The following SLC2A8 variants were observed in gnomAD, a reference collection of about 807,000 sequenced individuals.
The protein encoded by SLC2A8 is solute carrier family 2 member 8, also known as solute carrier family 2, facilitated glucose transporter member 8.
A neutral mutation model predicts 49.2 loss-of-function variants in SLC2A8; 53 were observed. The ratio of observed to expected loss-of-function variants is 1.08; its 90% CI spans 0.86 to 1.35. The LOEUF (loss-of-function observed/expected upper bound fraction) is 1.35, where lower values mean the gene tolerates loss of function less well. SLC2A8 is among the 40% of genes most tolerant of loss of function. The pLI is 0.00. For synonymous variants in SLC2A8, 299 were observed against 297.0 expected (o/e 1.01, Z -0.07); for missense variants, 688 against 671.7 (o/e 1.02, Z -0.27).
At chr9:127,405,298 C>T in intron 8 of SLC2A8, 122 bp from the exon 9 acceptor site, 1 of 1,173,374 alleles carries the variant, frequency 8.5e-7, no homozygotes, top group South Asian at 1.5e-5. Flanking sequence ...GGTGGGACCA[C>T]ACTGGGATCC....
intron 9 of SLC2A8, chr9:127,405,971 T>G: frequency 1.9e-6 from 1 of 527,652 alleles, no homozygotes; most frequent in South Asian, 1.4e-5. Flanking sequence ...TGGCTGAAAC[T>G]GGAGGAGAGT....
chr9:127,397,988 G>C lies in SLC2A8; in HGVS notation c.303G>C (p.Leu101Phe). The C allele has an allele frequency of 1.9e-6, 3 of 1,548,392 alleles. No homozygotes were observed. Among genetic ancestry groups the C allele is most frequent in the South Asian group, 1.2e-5 (1 of 85,044 alleles). Residue 101 changes from leucine to phenylalanine, a missense_variant, in exon 3 of 10, where the codon TTG becomes TTC. Coordinates refer to ENST00000373371, the MANE Select transcript of SLC2A8 (RefSeq NM_014580.5). ...GCGCCGGGCGCAAGCTGAGCCTCTT[G>C]CTGTGCTCCGTGCCCTTCGTGGCCG... Reference protein sequence around the residue: ...VDRAGRKLSLLLCSVPFVAGF... With the variant: ...VDRAGRKLSLFLCSVPFVAGF...
At chr9:127,398,184 A>AGGCCTGGGGGCGCGGCTCCCCC in intron 3 of SLC2A8, 73 bp downstream of exon 3, 1 of 1,476,278 alleles carries the variant, frequency 6.8e-7, no homozygotes, top group Non-Finnish European at 9.3e-7. Context: ...ACCGCTCCCC[A>AGGCCTGGGGGCGCGGCTCCCCC]GGCCTGGGGG....
At chr9:127,402,971 C>G (rs1833349094) in intron 5 of SLC2A8, among the ~76,000 whole-genome samples, 1 of 152,212 alleles carries the variant, frequency 6.6e-6, no homozygotes, top group African/African-American at 2.4e-5. Context: ...AAGTCACCAG[C>G]AAAGCCCGAG....
chr9:127,403,841 C>G (rs756105245), intron 6 of SLC2A8, 38 bp downstream of exon 6: 15 of 1,606,158 alleles, frequency 9.3e-6, no homozygotes, highest in South Asian at 2.2e-5. Flanking sequence ...GTCCAGCCCC[C>G]ACATAGATGG....
rs2131881845 is a variant in SLC2A8 at position 127,399,716 on chromosome 9, G to A, written c.427-191G>A. 6.6e-6 allele frequency among the ~76,000 whole-genome samples: 1 copy of A among 152,106 alleles called. No homozygotes were observed. Among genetic ancestry groups the A allele is most frequent in the Admixed American group, 6.5e-5 (1 of 15,292 alleles). On this transcript the variant is annotated intron_variant, in intron 3 of 9. Coordinates refer to ENST00000373371, the MANE Select transcript of SLC2A8 (RefSeq NM_014580.5). The surrounding 1 kb of genome is among the most constrained non-coding windows in gnomAD (Gnocchi z 4.2). ...CCTCCCTCAACCTCCTGAGTAGCTG[G>A]GATTACAGATGTGTGCCACTAGGCC...
In SLC2A8 at chr9:127,403,657, C is replaced by G. The variant is rs1450904597; in HGVS notation, c.724-3C>G. On this transcript the variant is annotated splice_polypyrimidine_tract_variant and splice_region_variant and intron_variant, in intron 5 of 9. Transcript: ENST00000373371. ...TCCTGATGGCCAGTATCCGTCAGAG[C>G]AGAGCTTTCACCTGGCCCTGCTGCG... 6.2e-7 allele frequency: 1 copy of G among 1,612,828 alleles called. No homozygotes were observed. The highest frequency in any genetic ancestry group is 1.7e-5 in the Admixed American group (1 of 60,006).
At chr9:127,405,897 C>T (rs1589013294) in intron 9 of SLC2A8, 3 of 550,174 alleles carry the variant, frequency 5.5e-6, no homozygotes, top group African/African-American at 3.7e-5. Flanking sequence ...TGCAGCCCCA[C>T]CCTGGCTACT....
intron 4 of SLC2A8, among the ~76,000 whole-genome samples, 190 bp downstream of exon 4, chr9:127,400,196 C>T (rs991767501): frequency 2.0e-5 from 2 of 101,288 alleles, no homozygotes; most frequent in East Asian, 4.1e-4. Context: ...GACAGAGTCC[C>T]GCTCTGTCGC....
In SLC2A8 at chr9:127,397,928, G is replaced by A. The variant is rs1205959322; in HGVS notation, c.243G>A (p.Ala81=). The change falls in exon 3 of 10, where the codon GCG becomes GCA. Residue 81 remains alanine (A), a synonymous_variant. Coordinates refer to ENST00000373371, the MANE Select transcript of SLC2A8 (RefSeq NM_014580.5). ...AGGCTGTCGTGACCCTGGGTGCCGC[G>A]GCGGGGGGAGTGCTGGGCGGCTGGC... The part of the protein sequence containing the change: ...WFGAVVTLGA[A]AGGVLGGWLV... 3 of 1,530,320 alleles carry A rather than the reference G, an allele frequency of 2.0e-6. No homozygotes were observed. The highest frequency in any genetic ancestry group is 2.6e-6 in the Non-Finnish European group (3 of 1,144,790). The allele number at this position is 1,530,320 out of a possible 1,614,324, so 94.8% of individuals were successfully genotyped here.
chr9:127,403,250 A>AG (rs1406810476), intron 5 of SLC2A8: 4 of 56,466 alleles, frequency 7.1e-5, no homozygotes, highest in Non-Finnish European at 1.3e-4. Context: ...CTTAGGGAGG[A>AG]GGGGGGCTCA....
Position 127,404,712 on chromosome 9 carries a change from G to A in SLC2A8, c.977-106G>A, listed in dbSNP as rs545250220. ...AAGGTGCCAGAACACCAAGCTGGCC[G>A]TTCTCTGGGAGCCGGGCCTGCCCCT... On this transcript the variant is annotated intron_variant, in intron 7 of 9. Coordinates refer to ENST00000373371, the MANE Select transcript of SLC2A8 (RefSeq NM_014580.5). 2.7e-4 allele frequency: 349 copies of A among 1,311,052 alleles called. 1 individual carries two copies. The African/African-American group carries it at 4.7e-3, about 18-fold the overall frequency. The allele number at this position is 1,311,052 out of a possible 1,614,324, so 81.2% of individuals were successfully genotyped here. A position where few individuals can be genotyped will look rare whatever the true frequency, so the allele number is the denominator to read the frequency against.
chr9:127,399,974 T>C lies in SLC2A8; in HGVS notation c.494T>C (p.Val165Ala), dbSNP rs1277721897. The change falls in exon 4 of 10, where the codon GTC becomes GCC. Residue 165 changes from valine (V) to alanine (A), a missense_variant. Coordinates refer to ENST00000373371, the MANE Select transcript of SLC2A8 (RefSeq NM_014580.5). This position sits in a 1 kb window ranked among gnomAD's most constrained non-coding sequence, Gnocchi z 4.2. ...CTCGGCTCCTGTGTGCAGCTAATGG[T>C]CGTCGTCGGCATCCTCCTGGCCTAC... ...GLLGSCVQLM[V>A]VVGILLAYLA... The C allele has an allele frequency of 6.2e-7, 1 of 1,613,806 alleles. No individual in the cohort carries two copies. Among genetic ancestry groups the C allele is most frequent in the East Asian group, 2.2e-5 (1 of 44,850 alleles).
chr9:127,398,168 G>T, intron 3 of SLC2A8, 57 bp downstream of exon 3: 1 of 1,528,644 alleles, frequency 6.5e-7, no homozygotes, highest in East Asian at 2.3e-5. Flanking sequence ...AGGGGGAGTG[G>T]GACAAACCGC....
rs1164637434 is a variant in SLC2A8, at chr9:127,403,916, C to G, written c.868-43C>G. On this transcript the variant is annotated intron_variant, in intron 6 of 9. Coordinates refer to ENST00000373371, the MANE Select transcript of SLC2A8 (RefSeq NM_014580.5). ...GGCCTGGAGAGGGAGGGACCCAGCT[C>G]TCAGCTGGCCCACCTGACCTGCCTG... The G allele has an allele frequency of 1.9e-6, 3 of 1,602,006 alleles. No individual in the cohort carries two copies. In the East Asian group the frequency reaches 6.7e-5, roughly 36 times the overall value.
rs1270474051 is a variant in SLC2A8 at position 127,402,521 on chromosome 9, G to T, written c.527-36G>T. The T allele has an allele frequency of 5.4e-6, 8 of 1,481,708 alleles. No homozygotes were observed. The African/African-American group carries it at 9.8e-5, about 18-fold the overall frequency. The allele number at this position is 1,481,708 out of a possible 1,614,324, so 91.8% of individuals were successfully genotyped here. On this transcript the variant is annotated intron_variant, in intron 4 of 9. Transcript: ENST00000373371. ...GCAAGGCCCAGGCTGGCTCACCCTG[G>T]CTCTGACGCCAGCCTCCTCCACCCA... is the stretch of plus-strand genomic sequence containing the variant.
At chr9:127,400,453 C>T (rs141842475) in intron 4 of SLC2A8, among the ~76,000 whole-genome samples, 113 of 152,096 alleles carry the variant, frequency 7.4e-4, no homozygotes, top group African/African-American at 2.6e-3. Flanking sequence ...CCACCGCGCC[C>T]GGCCGATAGG....
In SLC2A8 at chr9:127,397,367, T is replaced by A; in HGVS notation, c.57-9T>A. 1 of 1,458,532 alleles carries A rather than the reference T, an allele frequency of 6.9e-7. No individual in the cohort carries two copies. The highest frequency in any genetic ancestry group is 1.3e-5 in the South Asian group (1 of 74,712). The allele number at this position is 1,458,532 out of a possible 1,614,324, so 90.3% of individuals were successfully genotyped here. ...TCCGCTCCGCTCACCCTCGGCCCTG[T>A]CCCCCCAGCGCGCCCCGCGGCCGCC... On this transcript the variant is annotated splice_polypyrimidine_tract_variant and intron_variant, in intron 1 of 9. Coordinates refer to ENST00000373371, the MANE Select transcript of SLC2A8 (RefSeq NM_014580.5).
rs966459440 is a variant in SLC2A8 at position 127,405,932 on chromosome 9, G to T, written c.1296+367G>T. The T allele has an allele frequency of 7.4e-6, 4 of 541,936 alleles. No homozygotes were observed. In the Admixed American group the frequency reaches 7.7e-5, roughly 10 times the overall value. The allele number at this position is 541,936 out of a possible 1,614,324, so 33.6% of individuals were successfully genotyped here. On this transcript the variant is annotated intron_variant, in intron 9 of 9. Transcript: ENST00000373371. ...TTCCTTGCTGTGTGACCTTGGGTAT[G>T]ATGCTTACCTTCTCTGAGCCCGCTT...
Sources: gnomAD v4.1 joint callset for allele counts (sites outside exome capture counted in the v4.1 genomes callset) on GRCh38, gnomAD v4.1.1 for gene constraint, Gnocchi (gnomAD v3.1) non-coding constraint, MANE v1.5 for transcripts, NCBI Gene and HGNC (gene_info 2026-07-23, HGNC 2026-07-21) for gene names.